The following HGF variants were observed in gnomAD, a reference collection of about 807,000 sequenced individuals.
HGF encodes fibroblast-derived tumor cytotoxic factor.
In HGF, 39 loss-of-function variants were observed where a neutral mutation model predicts 111.6. The ratio of observed to expected loss-of-function variants is 0.35; its 90% CI spans 0.27 to 0.46. The LOEUF (loss-of-function observed/expected upper bound fraction) is 0.46, where lower values mean the gene tolerates loss of function less well. HGF is among the 20% of genes least tolerant of loss of function. The pLI is 1.00. For missense variants in HGF, 735 were observed against 910.5 expected, an observed-to-expected ratio of 0.81 and a Z score of 2.48; for synonymous variants, 285 against 294.8, an observed-to-expected ratio of 0.97 and a Z score of 0.34.
chr7:81,705,743 G>A lies in HGF; in HGVS notation c.1768C>T (p.Leu590=), dbSNP rs2115766882. The A allele has an allele frequency of 6.2e-7, 1 of 1,607,020 alleles. No homozygotes were observed. Among genetic ancestry groups the A allele is most frequent in the Non-Finnish European group, 8.5e-7 (1 of 1,174,388 alleles). ...TCAATCGTACTAACAAAATCATCCA[G>A]GACAGCAGGCCTGAAAACACAAAAT... The part of the protein sequence containing the change: ...VLMKLARPAV[L]DDFVSTIDLP... Residue 590 remains leucine, a synonymous_variant, in exon 16 of 18, where the codon CTG becomes TTG. Coordinates refer to ENST00000222390, the MANE Select transcript of HGF (RefSeq NM_000601.6).
intron 2 of HGF, among the ~76,000 whole-genome samples, chr7:81,760,873 T>A (rs954607426): frequency 6.6e-6 from 1 of 152,110 alleles, no homozygotes; most frequent in African/African-American, 2.4e-5. Context: ...CTCATATATA[T>A]GGAATATGTG....
At chr7:81,760,326 T>C (rs1173370484) in intron 2 of HGF, among the ~76,000 whole-genome samples, 4 of 152,214 alleles carry the variant, frequency 2.6e-5, no homozygotes, top group Non-Finnish European at 4.4e-5. Context: ...AGCTATTTCC[T>C]GAAGAGCTTA....
At chr7:81,765,178 C>G (rs972234098) in intron 1 of HGF, among the ~76,000 whole-genome samples, 4 of 151,948 alleles carry the variant, frequency 2.6e-5, no homozygotes, top group Admixed American at 2.6e-4. Flanking sequence ...TTTAATGTAT[C>G]AAATGAAACA....
chr7:81,748,786 C>T (rs977429209), intron 5 of HGF, among the ~76,000 whole-genome samples: 1 of 152,134 alleles, frequency 6.6e-6, no homozygotes, highest in South Asian at 2.1e-4. Flanking sequence ...CAGTTCTGGA[C>T]TGAATAATAG....
chr7:81,724,924 A>T (rs1583943614), intron 9 of HGF, among the ~76,000 whole-genome samples: 1 of 152,200 alleles, frequency 6.6e-6, no homozygotes, highest in African/African-American at 2.4e-5. Context: ...TGAGGCAGTT[A>T]TCTTCAATGG....
chr7:81,751,705 G>A, intron 5 of HGF: 1 of 1,037,982 alleles, frequency 9.6e-7, no homozygotes, highest in Non-Finnish European at 1.2e-6. Flanking sequence ...ACCACTTCAT[G>A]ATAGTTTGGA....
At chr7:81,736,648 A>T in intron 7 of HGF, 1 of 442,512 alleles carries the variant, frequency 2.3e-6, no homozygotes, top group Admixed American at 2.6e-5. Context: ...AGAAAGTAAA[A>T]TTTTTTGAAA....
At chr7:81,746,635 G>A (rs1788268163) in intron 5 of HGF, among the ~76,000 whole-genome samples, 1 of 152,046 alleles carries the variant, frequency 6.6e-6, no homozygotes, top group Admixed American at 6.6e-5. Context: ...CTCTTGTATA[G>A]TACTCAGGAA....
chr7:81,717,361 T>C lies in HGF; in HGVS notation c.1276A>G (p.Ile426Val), dbSNP rs1434844941. ...TTACTTGCATCTGGTTCCCAGAAGA[T>C]ATGACTGTGGAAACAACAGGCCTTG... ...DKNMEDLHRH[I>V]FWEPDASKLN... The change falls in exon 11 of 18, where the codon ATC becomes GTC. Residue 426 changes from isoleucine (I) to valine (V), a missense_variant. Ile to Val is a conservative substitution (Grantham distance 29). Around this residue, in one of 3 missense-constraint regions of HGF, gnomAD observed 553 missense variants for 685.6 expected, o/e 0.81. Transcript: ENST00000222390. The C allele has an allele frequency of 6.2e-7, 1 of 1,613,556 alleles. No homozygotes were observed.
chr7:81,766,173 G>A (rs1017140348), intron 1 of HGF, among the ~76,000 whole-genome samples: 4 of 152,014 alleles, frequency 2.6e-5, no homozygotes, highest in South Asian at 4.2e-4. Flanking sequence ...CTCTGGTCCC[G>A]GCACCTCACA....
chr7:81,729,370 C>G (rs375533770), intron 8 of HGF, among the ~76,000 whole-genome samples: 3 of 152,166 alleles, frequency 2.0e-5, no homozygotes, highest in African/African-American at 7.2e-5. Flanking sequence ...CATAGTGAAT[C>G]TACCCTCTGG....
At chr7:81,736,475 T>A (rs1308189062) in intron 7 of HGF, among the ~76,000 whole-genome samples, 1 of 152,036 alleles carries the variant, frequency 6.6e-6, no homozygotes, top group East Asian at 1.9e-4. Flanking sequence ...ATTATTCTAT[T>A]TTATTGTTGT....
At chr7:81,767,761 G>A (rs143816262) in intron 1 of HGF, among the ~76,000 whole-genome samples, 1 of 151,918 alleles carries the variant, frequency 6.6e-6, no homozygotes, top group Non-Finnish European at 1.5e-5. Context: ...CTAACAATGT[G>A]TTATTTTACA....
intron 2 of HGF, among the ~76,000 whole-genome samples, chr7:81,761,934 C>T (rs1789104437): frequency 6.6e-6 from 1 of 152,102 alleles, no homozygotes; most frequent in Non-Finnish European, 1.5e-5. Flanking sequence ...GGTTCAGCTC[C>T]TATGAGAATC....
intron 8 of HGF, 25 bp downstream of exon 8, chr7:81,729,580 T>G: frequency 3.2e-6 from 5 of 1,576,658 alleles, no homozygotes; most frequent in Non-Finnish European, 4.4e-6. Flanking sequence ...TACTGAAATG[T>G]ATAACATTTG....
chr7:81,743,547 T>C (rs1788096768), intron 6 of HGF, 76 bp from the exon 7 acceptor site: 2 of 960,670 alleles, frequency 2.1e-6, no homozygotes, highest in East Asian at 4.8e-5. Context: ...ACAAAATAAC[T>C]TTCCACTTAG....
chr7:81,744,882 T>A, intron 6 of HGF, 118 bp downstream of exon 6: 1 of 1,148,694 alleles, frequency 8.7e-7, no homozygotes, highest in Admixed American at 1.8e-5. Flanking sequence ...GTTCTAAATG[T>A]TATGTTCATG....
At chr7:81,718,189 A>G (rs1431809887) in intron 10 of HGF, among the ~76,000 whole-genome samples, 2 of 152,192 alleles carry the variant, frequency 1.3e-5, no homozygotes, top group East Asian at 3.8e-4. Flanking sequence ...TAAAATTTTA[A>G]AAAGCTTGAA....
intron 11 of HGF, among the ~76,000 whole-genome samples, chr7:81,712,369 A>T (rs1789594762): frequency 1.3e-5 from 2 of 152,222 alleles, no homozygotes; most frequent in Non-Finnish European, 2.9e-5. Flanking sequence ...AGGATTCTAG[A>T]AGATAGATAT....
Sources: gnomAD v4.1 joint callset for allele counts (sites outside exome capture counted in the v4.1 genomes callset) on GRCh38, gnomAD v4.1.1 for gene constraint, gnomAD v4.1.1 regional missense constraint, MANE v1.5 for transcripts, NCBI Gene and HGNC (gene_info 2026-07-23, HGNC 2026-07-21) for gene names.